ARAP2: variants seen among roughly 807,000 people sequenced by gnomAD.
ARAP2 encodes ArfGAP with RhoGAP domain, ankyrin repeat and PH domain 2.
In ARAP2, 148 loss-of-function variants were observed where a neutral mutation model predicts 194.5. The observed-to-expected ratio is 0.76, with a 90% CI of 0.67 to 0.87. The LOEUF is 0.87. Among genes scored for constraint, ARAP2 ranks in the 40% least tolerant of loss-of-function variants. ARAP2 has a pLI of 0.00. For missense variants in ARAP2, 2,128 were observed against 1,989.7 expected, an observed-to-expected ratio of 1.07 and a Z score of -1.32; for synonymous variants, 695 against 683.5, an observed-to-expected ratio of 1.02 and a Z score of -0.26.
intron 2 of ARAP2, among the ~76,000 whole-genome samples, chr4:36,053,413 ACTT>A (rs1723019971): frequency 6.6e-6 from 1 of 152,152 alleles, no homozygotes; most frequent in South Asian, 2.1e-4. Context: ...TGTAGCCTAA[ACTT>A]CTACCAAAAT....
chr4:36,019,902 T>C (rs931889013), intron 5 of ARAP2, among the ~76,000 whole-genome samples: 23 of 152,160 alleles, frequency 1.5e-4, no homozygotes, highest in African/African-American at 5.6e-4. Context: ...TCCAAGACCC[T>C]CAGTGGATGT....
chr4:36,081,063 T>C (rs1278007792), intron 30 of ARAP2, among the ~76,000 whole-genome samples: 19 of 152,170 alleles, frequency 1.2e-4, no homozygotes, highest in Admixed American at 1.2e-3. Context: ...ATAATTTACC[T>C]GAAAAATGTT....
At chr4:36,182,201 T>C (rs1462536118) in intron 8 of ARAP2, among the ~76,000 whole-genome samples, 1 of 152,118 alleles carries the variant, frequency 6.6e-6, no homozygotes, top group Admixed American at 6.6e-5. Context: ...CTCAGTAAGA[T>C]GCAGAAACTG....
chr4:36,024,577 A>G (rs1717576613), intron 5 of ARAP2, among the ~76,000 whole-genome samples: 2 of 152,136 alleles, frequency 1.3e-5, no homozygotes, highest in Non-Finnish European at 2.9e-5. Context: ...TAAAACTTGA[A>G]TCCAGTTGTA....
chr4:36,072,267 T>G (rs1337738989), intron 32 of ARAP2, among the ~76,000 whole-genome samples: 1 of 152,112 alleles, frequency 6.6e-6, no homozygotes, highest in Non-Finnish European at 1.5e-5. Context: ...GACTCAGAAA[T>G]TTTCCAGTAA....
chr4:36,109,596 C>T (rs552103739), intron 26 of ARAP2, among the ~76,000 whole-genome samples: 4 of 151,954 alleles, frequency 2.6e-5, no homozygotes, highest in African/African-American at 9.6e-5. Context: ...CACAATTTTT[C>T]AATGTTATAA....
At chr4:36,231,368 T>C (rs1377463771) in intron 1 of ARAP2, among the ~76,000 whole-genome samples, 5 of 151,412 alleles carry the variant, frequency 3.3e-5, no homozygotes, top group Admixed American at 3.3e-4. Context: ...AATAAAAAAT[T>C]TTAAAAAAAG....
At chr4:36,204,987 C>CAAAAAAAAAAAAAAAA (rs754960122) in intron 6 of ARAP2, among the ~76,000 whole-genome samples, 3 of 35,084 alleles carry the variant, frequency 8.6e-5, no homozygotes, top group African/African-American at 1.3e-4. Flanking sequence ...GACTCCATCT[C>CAAAAAAAAAAAAAAAA]AAAAAAAAAA....
chr4:36,069,369 T>C (rs1464733053), intron 32 of ARAP2, among the ~76,000 whole-genome samples: 1 of 152,180 alleles, frequency 6.6e-6, no homozygotes, highest in African/African-American at 2.4e-5. Context: ...ATTCCAAAGT[T>C]TCATTAGAAT....
chr4:36,239,647 T>C (rs1753129905), intron 1 of ARAP2, among the ~76,000 whole-genome samples: 3 of 152,210 alleles, frequency 2.0e-5, no homozygotes, highest in Admixed American at 6.5e-5. Flanking sequence ...TTAACAAGCA[T>C]AGAGTTTCAG....
chr4:36,063,022 C>T (rs1724710441), downstream of ARAP2, among the ~76,000 whole-genome samples: 1 of 152,072 alleles, frequency 6.6e-6, no homozygotes, highest in Non-Finnish European at 1.5e-5. Context: ...TAATTGGTAA[C>T]AGTGAAACAG....
intron 5 of ARAP2, among the ~76,000 whole-genome samples, chr4:36,039,607 C>T (rs1240551836): frequency 1.3e-5 from 2 of 152,142 alleles, no homozygotes; most frequent in Admixed American, 6.5e-5. Context: ...CTCATACTCA[C>T]ACTCTAAATT....
intron 27 of ARAP2, among the ~76,000 whole-genome samples, chr4:36,096,390 A>G (rs993217324): frequency 3.3e-5 from 5 of 151,790 alleles, no homozygotes; most frequent in African/African-American, 1.2e-4. Flanking sequence ...AGAAAAAGGA[A>G]AAAAGTAGTC....
At chr4:36,224,235 A>G (rs1203840483) in intron 2 of ARAP2, among the ~76,000 whole-genome samples, 1 of 150,858 alleles carries the variant, frequency 6.6e-6, no homozygotes, top group Non-Finnish European at 1.5e-5. Context: ...AAATAAATAA[A>G]TGAATAAATA....
At position 36,042,317 on chromosome 4, in the gene ARAP2, C is replaced by A. The variant is rs932379754; in HGVS notation, n.607+3662G>T. 3.9e-5 allele frequency among the ~76,000 whole-genome samples: 6 copies of A among 152,140 alleles called. No individual in the cohort carries two copies. In the East Asian group the frequency reaches 1.2e-3, roughly 29 times the overall value. ...AGCACTAAGGGTAGGTCATTAAGTG[C>A]TGATTAGACAATAATATTATGTGTT... On this transcript the variant is annotated intron_variant and non_coding_transcript_variant, in intron 5 of 12. Coordinates refer to the ARAP2 transcript ENST00000503225.
Position 36,068,095 on chromosome 4 carries a change from C to T in ARAP2, c.4927G>A (p.Ala1643Thr). Residue 1643 changes from alanine to threonine, a missense_variant, in exon 33 of 33, where the codon GCC becomes ACC. By Grantham distance (58) the Ala-to-Thr change is moderately conservative. Coordinates refer to ENST00000303965, the MANE Select transcript of ARAP2 (RefSeq NM_015230.4). ...FNCLEDTEPE[A>T]PLGQPKGHKG... ...TGGCCTTTTGGTTGCCCAAGTGGGG[C>T]TTCAGGCTCTGTGTCCTCCAGGCAG... is the stretch of plus-strand genomic sequence containing the variant. 1 of 1,614,098 alleles carries T rather than the reference C, an allele frequency of 6.2e-7. No individual in the cohort carries two copies. Among genetic ancestry groups the T allele is most frequent in the Admixed American group, 1.7e-5 (1 of 60,018 alleles).
chr4:36,070,213 G>C (rs1255102281), intron 32 of ARAP2, among the ~76,000 whole-genome samples: 1 of 152,202 alleles, frequency 6.6e-6, no homozygotes, highest in Non-Finnish European at 1.5e-5. Context: ...GAAGTGAACT[G>C]TCAAGAGTTA....
chr4:36,054,144 A>C (rs535313758), intron 2 of ARAP2, among the ~76,000 whole-genome samples: 2 of 152,290 alleles, frequency 1.3e-5, no homozygotes, highest in South Asian at 4.1e-4. Flanking sequence ...CGCCACTATA[A>C]CTGCTGGAAT....
chr4:36,083,704 C>T (rs1738613811), intron 28 of ARAP2, among the ~76,000 whole-genome samples: 1 of 152,098 alleles, frequency 6.6e-6, no homozygotes, highest in African/African-American at 2.4e-5. Flanking sequence ...TACAGACATG[C>T]ACATGGCTCT....
Sources: allele counts gnomAD v4.1 joint callset (sites outside exome capture counted in the v4.1 genomes callset), GRCh38; gene constraint gnomAD v4.1.1; transcripts MANE v1.5; gene names NCBI Gene and HGNC (gene_info 2026-07-23, HGNC 2026-07-21).